AAAS: variants seen among roughly 807,000 people sequenced by gnomAD.
AAAS encodes the protein aladin WD repeat nucleoporin.
A neutral mutation model predicts 75.6 loss-of-function variants in AAAS; 60 were observed. The ratio of observed to expected loss-of-function variants is 0.79; its 90% CI spans 0.64 to 0.98. AAAS has a LOEUF of 0.98. Ranked by LOEUF, AAAS falls within the 50% of genes least tolerant of loss-of-function variation. The probability of loss-of-function intolerance (pLI) is 0.00; values close to 1 mark genes in which losing one functional copy is unlikely to be tolerated. For missense variants in AAAS, 658 were observed against 686.9 expected (o/e 0.96, Z 0.47); for synonymous variants, 271 against 265.0 (o/e 1.02, Z -0.22).
At chr12:53,316,632 A>G (rs1368169767) in intron 2 of AAAS, among the ~76,000 whole-genome samples, 1 of 151,126 alleles carries the variant, frequency 6.6e-6, no homozygotes, top group African/African-American at 2.4e-5. Context: ...GTGGTGGTCC[A>G]TGCCTATAAT....
At position 53,321,432 on chromosome 12, in the gene AAAS, G is replaced by T. The variant is rs1327241560; in HGVS notation, c.34C>A (p.Pro12Thr). 3.7e-6 allele frequency: 6 copies of T among 1,614,130 alleles called. No individual in the cohort carries two copies. The highest frequency in any genetic ancestry group is 5.1e-6 in the Non-Finnish European group (6 of 1,180,060). The change falls in exon 1 of 16, where the codon CCT becomes ACT. Residue 12 changes from proline (P) to threonine (T), a missense_variant. Physicochemically the swap from Pro to Thr is conservative, Grantham distance 38. Transcript: ENST00000209873. The part of the protein sequence containing the change: ...CSLGLFPPPP[P>T]RGQVTLYEHN... ...TCATATAGGGTGACTTGACCCCGAG[G>T]CGGTGGAGGAGGGAACAACCCCAGA...
Position 53,309,604 on chromosome 12 carries a change from G to C in AAAS, c.807C>G (p.Ile269Met), listed in dbSNP as rs749004311. The change falls in exon 8 of 16, where the codon ATC becomes ATG. Residue 269 changes from isoleucine (I) to methionine (M), a missense_variant. Coordinates refer to ENST00000209873, the MANE Select transcript of AAAS (RefSeq NM_015665.6). ...TGAGGGGCAGGGACCCACTCACCCG[G>C]ATAGCAGCATCCACGGGTGAAGCTG... Reference protein sequence around the residue: ...LLSASPVDAAIRVWDVSTETC... With the variant: ...LLSASPVDAAMRVWDVSTETC... 9.3e-6 allele frequency: 15 copies of C among 1,613,628 alleles called. No homozygotes were observed. The African/African-American group carries it at 1.9e-4, about 20-fold the overall frequency.
chr12:53,321,294 C>T (rs1157395075), intron 1 of AAAS, 49 bp downstream of exon 1: 2 of 1,597,130 alleles, frequency 1.3e-6, no homozygotes, highest in South Asian at 1.1e-5. Context: ...CAGTAGTCCC[C>T]GACTCCGCCC....
At chr12:53,315,895 A>G in intron 2 of AAAS, 113 bp from the exon 3 acceptor site, 1 of 1,169,164 alleles carries the variant, frequency 8.6e-7, no homozygotes, top group Non-Finnish European at 1.3e-6. Flanking sequence ...ACATTTAATG[A>G]GTGCCAACTA....
rs769655381 is a variant in AAAS, at chr12:53,307,636, AAGCAC to A, written c.1489_1493del (p.Val497TrpfsTer16). On this transcript the variant is annotated frameshift_variant, in exon 16 of 16. Coordinates refer to ENST00000209873, the MANE Select transcript of AAAS (RefSeq NM_015665.6). LOFTEE classifies it high-confidence loss of function. The stretch of plus-strand genomic sequence containing the variant: ...CAGCAGGGGGTTCCTGGGCCCGCCC[AAGCAC>A]TGGGCTAAAACGTGGAAACTGGGCA... 3.1e-6 allele frequency: 5 copies of A among 1,614,092 alleles called. No homozygotes were observed. The highest frequency in any genetic ancestry group is 3.3e-4 in the Middle Eastern group (2 of 6,082).
rs4759287 is a variant in AAAS at position 53,308,587 on chromosome 12, T to C, written c.1088-59A>G. ...AGAAACAGGCCTCTCACTGGTCCCC[T>C]GCCAGCTCACCAAAGGCATCAACAC... is the stretch of plus-strand genomic sequence containing the variant. On this transcript the variant is annotated intron_variant, in intron 11 of 15. Coordinates refer to ENST00000209873, the MANE Select transcript of AAAS (RefSeq NM_015665.6). 0.99 allele frequency: 1,598,626 copies of C among 1,608,682 alleles called. 794,808 individuals carry two copies. The highest frequency in any genetic ancestry group is 1 in the East Asian group (44,854 of 44,858).
chr12:53,308,077 T>C lies in AAAS; in HGVS notation c.1306A>G (p.Ser436Gly). The C allele has an allele frequency of 6.2e-7, 1 of 1,614,232 alleles. No individual in the cohort carries two copies. Among genetic ancestry groups the C allele is most frequent in the Non-Finnish European group, 8.5e-7 (1 of 1,180,044 alleles). Residue 436 changes from serine to glycine, a missense_variant, in exon 14 of 16, where the codon AGC becomes GGC. Ser to Gly is a moderately conservative substitution (Grantham distance 56, BLOSUM62 0). Coordinates refer to ENST00000209873, the MANE Select transcript of AAAS (RefSeq NM_015665.6). ...CAGGGAAGGAGCTCAAACACAGGGC[T>C]GTTTCGAGTGCGAAAAAGGAGGATG... Reference protein sequence around the residue: ...PVILLFRTRNSPVFELLPCGI... With the variant: ...PVILLFRTRNGPVFELLPCGI...
intron 10 of AAAS, 29 bp downstream of exon 10, chr12:53,308,931 A>G (rs1233519146): frequency 1.2e-6 from 2 of 1,614,002 alleles, no homozygotes; most frequent in Non-Finnish European, 1.7e-6. Context: ...TCTCCTCCCC[A>G]GTGTCTGTGA....
intron 2 of AAAS, among the ~76,000 whole-genome samples, chr12:53,318,243 T>TGC: frequency 8.4e-6 from 1 of 119,072 alleles, no homozygotes; most frequent in African/African-American, 3.2e-5. Context: ...TGTGTGTGTG[T>TGC]GCGTGTGTGT....
chr12:53,318,909 A>G (rs1412526266), intron 2 of AAAS, among the ~76,000 whole-genome samples: 1 of 152,214 alleles, frequency 6.6e-6, no homozygotes, highest in Non-Finnish European at 1.5e-5. Context: ...GTAGGAGACA[A>G]GGAGCCTGGG....
At chr12:53,314,226 C>T in intron 7 of AAAS, 72 bp downstream of exon 7, 2 of 1,602,092 alleles carry the variant, frequency 1.2e-6, no homozygotes, top group African/African-American at 1.3e-5. Context: ...TCCTTTCAGA[C>T]GTCCTCACCA....
At chr12:53,315,626 G>T in intron 3 of AAAS, 101 bp downstream of exon 3, 1 of 1,438,100 alleles carries the variant, frequency 7.0e-7, no homozygotes, top group African/African-American at 1.4e-5. Flanking sequence ...AGGAAAAATA[G>T]GGCTAAAAGA....
At chr12:53,312,273 T>C (rs539612510) in intron 7 of AAAS, among the ~76,000 whole-genome samples, 37 of 150,952 alleles carry the variant, frequency 2.5e-4, no homozygotes, top group African/African-American at 8.8e-4. Context: ...ACTTATATTT[T>C]GCTAGAAAAT....
At chr12:53,314,936 T>A (rs1395417844) in intron 5 of AAAS, 87 bp from the exon 6 acceptor site, 54 of 1,490,368 alleles carry the variant, frequency 3.6e-5, no homozygotes, top group Non-Finnish European at 4.4e-5. Context: ...AGGACATGGT[T>A]TTTTCCTACT....
chr12:53,318,895 A>C (rs1023996643), intron 2 of AAAS, among the ~76,000 whole-genome samples: 1 of 152,214 alleles, frequency 6.6e-6, no homozygotes, highest in Admixed American at 6.5e-5. Context: ...CAGCAGCCAC[A>C]GAAGTAGGAG....
rs140360792 is a variant in AAAS at position 53,309,197 on chromosome 12, C to T, written c.895G>A (p.Gly299Ser). 1.5e-5 allele frequency: 25 copies of T among 1,614,008 alleles called. No homozygotes were observed. The highest frequency in any genetic ancestry group is 2.0e-5 in the Non-Finnish European group (24 of 1,180,026). ...GVTNLLWSPDGSKILATTPSA... is the reference protein window; with the variant it reads ...GVTNLLWSPDSSKILATTPSA... ...GGAGTGGTAGCCAGGATTTTGCTGC[C>T]GTCTGGGGACCAGAGCAGGTTGGTC... is the stretch of plus-strand genomic sequence containing the variant. The change falls in exon 9 of 16, where the codon GGC (glycine) becomes AGC (serine). Residue 299 changes from glycine to serine, a missense_variant. Coordinates refer to ENST00000209873, the MANE Select transcript of AAAS (RefSeq NM_015665.6).
chr12:53,318,237 T>TGTGTGTGTGC (rs1944493830), intron 2 of AAAS, among the ~76,000 whole-genome samples: 2 of 131,030 alleles, frequency 1.5e-5, no homozygotes, highest in South Asian at 5.6e-4. Context: ...TGTGTGTGTG[T>TGTGTGTGTGC]GTGTGTGCGT....
At chr12:53,321,208 G>C in intron 1 of AAAS, 135 bp downstream of exon 1, 1 of 1,391,326 alleles carries the variant, frequency 7.2e-7, no homozygotes. Context: ...AGCCCTTCTA[G>C]CCTCCTGCCG....
intron 7 of AAAS, among the ~76,000 whole-genome samples, chr12:53,312,943 G>A (rs1460026692): frequency 2.0e-5 from 3 of 150,048 alleles, no homozygotes; most frequent in East Asian, 2.0e-4. Context: ...TGCAACCTCC[G>A]CCTCCCAGGT....
Sources: gnomAD v4.1 joint callset for allele counts (sites outside exome capture counted in the v4.1 genomes callset) on GRCh38, gnomAD v4.1.1 for gene constraint, MANE v1.5 for transcripts, NCBI Gene and HGNC (gene_info 2026-07-23, HGNC 2026-07-21) for gene names.